Variants in KDM3B observed in about 807,000 individuals in gnomAD.
KDM3B encodes lysine-specific demethylase 3B.
In KDM3B, 10 loss-of-function variants were observed where a neutral mutation model predicts 170.0. That is an observed-to-expected ratio of 0.06 (90% confidence interval 0.04 to 0.10). The LOEUF (loss-of-function observed/expected upper bound fraction) is 0.10. Ranked by LOEUF, KDM3B falls within the 10% of genes least tolerant of loss-of-function variation. KDM3B has a pLI of 1.00. For missense variants in KDM3B, 1,394 were observed against 2,195.2 expected, an observed-to-expected ratio of 0.64 and a Z score of 7.29; for synonymous variants, 831 against 834.8, an observed-to-expected ratio of 1.00 and a Z score of 0.08.
chr5:138,379,825 C>A (rs1451798148), intron 5 of KDM3B, 117 bp downstream of exon 5: 1 of 948,652 alleles, frequency 1.1e-6, no homozygotes, highest in Non-Finnish European at 1.5e-6. Context: ...GGCTCTATTA[C>A]TTAATAGTTG....
At chr5:138,412,991 G>T (rs551780716) in intron 11 of KDM3B, among the ~76,000 whole-genome samples, 2 of 152,146 alleles carry the variant, frequency 1.3e-5, no homozygotes, top group Non-Finnish European at 2.9e-5. Context: ...ATAGTCGATG[G>T]CAGGTAAGTA....
rs35608823 is a variant in KDM3B at position 138,403,677 on chromosome 5, CA to C, written c.3199+3680del. 1.2e-3 allele frequency among the ~76,000 whole-genome samples: 164 copies of C among 132,172 alleles called. 1 individual carries two copies. The Middle Eastern group carries it at 0.016, about 12-fold the overall frequency. The allele number at this position is 132,172 out of a possible 152,430, so 86.7% of individuals were successfully genotyped here. A position where few individuals can be genotyped will look rare whatever the true frequency, so the allele number is the denominator to read the frequency against. On this transcript the variant is annotated intron_variant, in intron 11 of 23. Transcript: ENST00000314358. ...GGGCAACAAGAGCGAAACTCTGTCTCAAAAAAAAAAAAAAAGAATAGAAAAG... is the reference window on the plus strand; with the variant it reads ...GGGCAACAAGAGCGAAACTCTGTCTCAAAAAAAAAAAAAAGAATAGAAAAG...
intron 6 of KDM3B, among the ~76,000 whole-genome samples, chr5:138,382,755 T>C (rs978168513): frequency 1.2e-4 from 19 of 152,156 alleles, no homozygotes; most frequent in African/African-American, 4.6e-4. Context: ...AGTGCTGGGA[T>C]GACAGGCATG....
intron 23 of KDM3B, among the ~76,000 whole-genome samples, chr5:138,433,043 C>G (rs1763576637): frequency 6.7e-6 from 1 of 150,282 alleles, no homozygotes; most frequent in African/African-American, 2.4e-5. Flanking sequence ...TGCGCCCAGC[C>G]TGAAGAGGTT....
chr5:138,430,061 A>G (rs1580961401), intron 21 of KDM3B, 96 bp downstream of exon 21: 10 of 1,506,792 alleles, frequency 6.6e-6, no homozygotes, highest in African/African-American at 1.4e-5. Flanking sequence ...GTCCCTTGGC[A>G]TTAAAGACTT....
At chr5:138,418,016 C>T (rs1441209029) in intron 13 of KDM3B, 1 of 154,210 alleles carries the variant, frequency 6.5e-6, no homozygotes, top group East Asian at 1.9e-4. Flanking sequence ...TGAAGATTGG[C>T]TCACTGAGTT....
intron 11 of KDM3B, among the ~76,000 whole-genome samples, chr5:138,404,929 G>GT (rs1350546750): frequency 4.3e-4 from 66 of 151,756 alleles, no homozygotes; most frequent in Non-Finnish European, 5.4e-4. Context: ...TAGAGACAGT[G>GT]TTTCGCCATG....
intron 7 of KDM3B, among the ~76,000 whole-genome samples, chr5:138,387,893 A>T (rs6859449): frequency 0.27 from 40,444 of 151,424 alleles, 5,842 homozygotes; most frequent in East Asian, 0.53. Context: ...CATCCTGGCT[A>T]ACACGGTGAA....
intron 1 of KDM3B, among the ~76,000 whole-genome samples, chr5:138,366,877 C>T (rs1392358474): frequency 1.3e-5 from 2 of 152,216 alleles, no homozygotes; most frequent in Non-Finnish European, 2.9e-5. Context: ...GGCCAAACAA[C>T]ATCTTTGTCA....
Position 138,386,601 on chromosome 5 carries a change from C to T in KDM3B, c.1360C>T (p.Arg454Trp), listed in dbSNP as rs778165007. 33 of 1,612,314 alleles carry T rather than the reference C, an allele frequency of 2.0e-5. No individual in the cohort carries two copies. The Middle Eastern group carries it at 4.9e-4, about 24-fold the overall frequency. Residue 454 changes from arginine (R) to tryptophan (W), a missense_variant, in exon 7 of 24, where the codon CGG becomes TGG. Physicochemically the swap from Arg to Trp is moderately radical, Grantham distance 101 (BLOSUM62 -3). Coordinates refer to ENST00000314358, the MANE Select transcript of KDM3B (RefSeq NM_016604.4). ...TGTGCCAGAAAAACAGAAAGGCAGC[C>T]GGTCGCAGGCCTCGGGAGAGGTGAG... ...GTVPEKQKGSRSQASGENSRN... is the reference protein window; with the variant it reads ...GTVPEKQKGSWSQASGENSRN...
chr5:138,384,769 C>T (rs1762214993), intron 6 of KDM3B, among the ~76,000 whole-genome samples: 1 of 148,370 alleles, frequency 6.7e-6, no homozygotes, highest in Admixed American at 6.7e-5. Context: ...AAAAAATTAG[C>T]CGGATGTGGT....
intron 20 of KDM3B, among the ~76,000 whole-genome samples, chr5:138,428,940 CTTTTTTTTTTT>C (rs397884825): frequency 1.1e-4 from 11 of 101,236 alleles, no homozygotes; most frequent in African/African-American, 3.8e-4. Flanking sequence ...GGGATAATTT[CTTTTTTTTTTT>C]TTTTTTTTTT....
At chr5:138,408,389 T>TAA (rs769091269) in intron 11 of KDM3B, among the ~76,000 whole-genome samples, 1 of 135,528 alleles carries the variant, frequency 7.4e-6, no homozygotes, top group Non-Finnish European at 1.6e-5. Flanking sequence ...CTACACTCCT[T>TAA]AAAAAAAAAA....
In KDM3B at chr5:138,372,925, A is replaced by G. The variant is rs1761908544; in HGVS notation, c.360+84A>G. 7.4e-6 allele frequency: 9 copies of G among 1,216,234 alleles called. No homozygotes were observed. In the East Asian group the frequency reaches 1.7e-4, roughly 24 times the overall value. The allele number at this position is 1,216,234 out of a possible 1,614,324, so 75.3% of individuals were successfully genotyped here. Reference sequence around the variant, plus strand: ...GACATGTTAGGGACAGAGTATGTGTAAGAACTACATACTTTGTCCTTAACG... The same window carrying G: ...GACATGTTAGGGACAGAGTATGTGTGAGAACTACATACTTTGTCCTTAACG... On this transcript the variant is annotated intron_variant, in intron 2 of 23. Coordinates refer to ENST00000314358, the MANE Select transcript of KDM3B (RefSeq NM_016604.4).
intron 11 of KDM3B, among the ~76,000 whole-genome samples, chr5:138,402,428 A>G (rs931944392): frequency 6.6e-6 from 1 of 152,130 alleles, no homozygotes; most frequent in African/African-American, 2.4e-5. Flanking sequence ...TATTGTACCA[A>G]CTATTGTATC....
At chr5:138,416,130 T>G (rs1763097418) in intron 12 of KDM3B, among the ~76,000 whole-genome samples, 1 of 148,784 alleles carries the variant, frequency 6.7e-6, no homozygotes, top group African/African-American at 2.5e-5. Context: ...GAAGACAGCT[T>G]GCTCAGCATT....
chr5:138,390,511 G>C (rs193066215), intron 7 of KDM3B, among the ~76,000 whole-genome samples: 229 of 152,286 alleles, frequency 1.5e-3, no homozygotes, highest in African/African-American at 5.4e-3. Context: ...CGTGCAGTAG[G>C]CTTGTCCTAG....
intron 11 of KDM3B, among the ~76,000 whole-genome samples, chr5:138,410,616 C>T (rs534845719): frequency 4.6e-5 from 7 of 152,226 alleles, no homozygotes; most frequent in South Asian, 4.1e-4. Context: ...CAGCTGGGCC[C>T]GGGGGACCAC....
At chr5:138,385,935 G>A in intron 6 of KDM3B, 87 bp from the exon 7 acceptor site, 1 of 1,467,030 alleles carries the variant, frequency 6.8e-7, no homozygotes, top group South Asian at 1.4e-5. Flanking sequence ...TGCTTTGTCT[G>A]CTTCTAGAGA....
Sources: gnomAD v4.1 joint callset for allele counts (sites outside exome capture counted in the v4.1 genomes callset) on GRCh38, gnomAD v4.1.1 for gene constraint, MANE v1.5 for transcripts, NCBI Gene and HGNC (gene_info 2026-07-23, HGNC 2026-07-21) for gene names.